Variants in KPNB1 observed in about 807,000 individuals in gnomAD.
The protein encoded by KPNB1 is importin subunit beta-1.
A neutral mutation model predicts 113.0 loss-of-function variants in KPNB1; 7 were observed. The ratio of observed to expected loss-of-function variants is 0.06; its 90% CI spans 0.04 to 0.12. KPNB1 has a LOEUF of 0.12. Among genes scored for constraint, KPNB1 ranks in the 10% least tolerant of loss-of-function variants. The pLI is 1.00. For synonymous variants in KPNB1, 363 were observed against 378.6 expected (o/e 0.96, Z 0.48); for missense variants, 400 against 1,054.8 (o/e 0.38, Z 8.60).
rs375026841 is a variant in KPNB1 at position 47,658,456 on chromosome 17, A to T, written c.484-52A>T. On this transcript the variant is annotated intron_variant, in intron 4 of 21. Transcript: ENST00000290158. ...GTTTGAATCCACAGATGTGGAACCC[A>T]TGGCTGCAGAGGGCTGACTGTATAT... The T allele has an allele frequency of 3.2e-6, 5 of 1,566,990 alleles. No individual in the cohort carries two copies. In the African/African-American group the frequency reaches 6.8e-5, roughly 21 times the overall value.
In KPNB1 at chr17:47,682,637, A is replaced by C; in HGVS notation, c.*233A>C. On this transcript the variant is annotated 3_prime_UTR_variant, in exon 22 of 22. Coordinates refer to ENST00000290158, the MANE Select transcript of KPNB1 (RefSeq NM_002265.6). ...CACTGACTTCGTAGAAAACCATAACATCGGCCATCTTGGAAAAGAGAAAAA... is the reference window on the plus strand; with the variant it reads ...CACTGACTTCGTAGAAAACCATAACCTCGGCCATCTTGGAAAAGAGAAAAA... The C allele has an allele frequency of 5.6e-6, 3 of 537,114 alleles. No individual in the cohort carries two copies. Among genetic ancestry groups the C allele is most frequent in the East Asian group, 3.0e-5 (1 of 33,048 alleles). The allele number at this position is 537,114 out of a possible 1,614,324, so 33.3% of individuals were successfully genotyped here. A position where few individuals can be genotyped will look rare whatever the true frequency, so the allele number is the denominator to read the frequency against.
At position 47,683,044 on chromosome 17, in the gene KPNB1, C is replaced by T. The variant is rs1370496804; in HGVS notation, c.*640C>T. On this transcript the variant is annotated 3_prime_UTR_variant, in exon 22 of 22. Coordinates refer to ENST00000290158, the MANE Select transcript of KPNB1 (RefSeq NM_002265.6). ...AAACAAGGGGTTAGATGTTGCATTT[C>T]ATAAAACTAACCGAAGTTTTGTTTA... The T allele has an allele frequency of 8.9e-6, 1 of 111,908 alleles. No homozygotes were observed. The highest frequency in any genetic ancestry group is 1.7e-5 in the Non-Finnish European group (1 of 60,140). The allele number at this position is 111,908 out of a possible 1,614,324, so 6.9% of individuals were successfully genotyped here.
chr17:47,676,041 A>G (rs917715857), intron 15 of KPNB1, among the ~76,000 whole-genome samples: 2 of 152,210 alleles, frequency 1.3e-5, no homozygotes, highest in Admixed American at 6.5e-5. Context: ...GCTGGCTTGC[A>G]GAAAGGACAT....
At position 47,650,267 on chromosome 17, in the gene KPNB1, A is replaced by G; in HGVS notation, c.23A>G (p.Glu8Gly). 6.2e-7 allele frequency: 1 copy of G among 1,602,472 alleles called. No homozygotes were observed. The highest frequency in any genetic ancestry group is 2.3e-5 in the East Asian group (1 of 43,930). ...GCCATGGAGCTGATCACCATTCTCG[A>G]GAAGACCGTGTCTCCCGGTAGGACG... Reference protein sequence around the residue: MELITILEKTVSPDRLEL... With the variant: MELITILGKTVSPDRLEL... The change falls in exon 1 of 22, where the codon GAG becomes GGG. Residue 8 changes from glutamate to glycine, a missense_variant. Transcript: ENST00000290158.
chr17:47,680,634 A>G lies in KPNB1; in HGVS notation c.2595A>G (p.Ala865=). Residue 865 remains alanine, a synonymous_variant, in exon 21 of 22, where the codon GCA becomes GCG. Transcript: ENST00000290158. ...AAGCAAAAACCCTTGCTACATGGGC[A>G]ACAAAAGAACTGAGGAAACTGAAGA... The part of the protein sequence containing the change: ...TNKAKTLATW[A]TKELRKLKNQ... The G allele has an allele frequency of 6.2e-7, 1 of 1,614,196 alleles. No homozygotes were observed. Among genetic ancestry groups the G allele is most frequent in the Non-Finnish European group, 8.5e-7 (1 of 1,180,036 alleles).
intron 12 of KPNB1, 63 bp downstream of exon 12, chr17:47,670,895 G>A: frequency 7.2e-7 from 1 of 1,388,350 alleles, no homozygotes; most frequent in South Asian, 1.2e-5. Flanking sequence ...CCTTCTGTGT[G>A]GAGGATATCT....
chr17:47,682,344 A>AT, intron 21 of KPNB1, 60 bp from the exon 22 acceptor site: 1 of 779,650 alleles, frequency 1.3e-6, no homozygotes, highest in Non-Finnish European at 2.4e-6. Flanking sequence ...AGTCAGCATT[A>AT]TTGGCTCTGT....
In KPNB1 at chr17:47,656,984, A is replaced by G; in HGVS notation, c.407A>G (p.Asn136Ser). Reference sequence around the variant, plus strand: ...GAACTCATTCCTCAGCTGGTGGCCAATGTCACAAACCCCAACAGCACAGAG... The same window carrying G: ...GAACTCATTCCTCAGCTGGTGGCCAGTGTCACAAACCCCAACAGCACAGAG... Reference protein sequence around the residue: ...WPELIPQLVANVTNPNSTEHM... With the variant: ...WPELIPQLVASVTNPNSTEHM... The change falls in exon 4 of 22, where the codon AAT becomes AGT. Residue 136 changes from asparagine (N) to serine (S), a missense_variant. Physicochemically the swap from Asn to Ser is conservative, Grantham distance 46. Transcript: ENST00000290158. 2 of 1,614,226 alleles carry G rather than the reference A, an allele frequency of 1.2e-6. No individual in the cohort carries two copies. Among genetic ancestry groups the G allele is most frequent in the Non-Finnish European group, 1.7e-6 (2 of 1,180,040 alleles).
chr17:47,660,026 T>C (rs1023525370), intron 5 of KPNB1, among the ~76,000 whole-genome samples: 10 of 152,180 alleles, frequency 6.6e-5, no homozygotes, highest in African/African-American at 2.4e-4. Context: ...GTATAGTTAG[T>C]TAAGTAGATT....
chr17:47,667,718 C>T (rs1450873280), intron 9 of KPNB1, among the ~76,000 whole-genome samples: 1 of 151,798 alleles, frequency 6.6e-6, no homozygotes, highest in Non-Finnish European at 1.5e-5. Context: ...CCACCACACC[C>T]AGCTAATTTT....
chr17:47,659,940 A>G (rs1189544750), intron 5 of KPNB1, among the ~76,000 whole-genome samples: 1 of 151,874 alleles, frequency 6.6e-6, no homozygotes. Flanking sequence ...ATGTGTATGT[A>G]TAATATATAT....
At chr17:47,666,421 T>TG (rs36135785) in intron 9 of KPNB1, among the ~76,000 whole-genome samples, 1 of 144,708 alleles carries the variant, frequency 6.9e-6, no homozygotes, top group Non-Finnish European at 1.5e-5. Context: ...TGTGTGTGTG[T>TG]ATTTTATATA....
Position 47,652,802 on chromosome 17 carries a change from C to G in KPNB1, c.208C>G (p.Pro70Ala), listed in dbSNP as rs61750353. Residue 70 changes from proline (P) to alanine (A), a missense_variant, in exon 3 of 22, where the codon CCA becomes GCA. Pro to Ala is a conservative substitution (Grantham distance 27). Transcript: ENST00000290158. ...QIKNSLTSKD[P>A]DIKAQYQQRW... ...CAAGAACTCTTTGACATCTAAAGATCCAGATATCAAGGCACAATATCAGCA... is the reference window on the plus strand; with the variant it reads ...CAAGAACTCTTTGACATCTAAAGATGCAGATATCAAGGCACAATATCAGCA... 15,414 of 1,611,800 alleles carry G rather than the reference C, an allele frequency of 9.6e-3. 97 individuals are homozygous for G. The highest frequency in any genetic ancestry group is 0.011 in the Non-Finnish European group (13,388 of 1,179,066).
Position 47,677,094 on chromosome 17 carries a change from C to A in KPNB1, c.2070C>A (p.Asp690Glu), listed in dbSNP as rs371651425. The A allele has an allele frequency of 6.2e-7, 1 of 1,613,692 alleles. No homozygotes were observed. Among genetic ancestry groups the A allele is most frequent in the Non-Finnish European group, 8.5e-7 (1 of 1,179,946 alleles). ...AATCCAACATCATACCTTTCTGTGA[C>A]GAGGTGATGCAGCTGCTTCTGGAAA... ...ALQSNIIPFC[D>E]EVMQLLLENL... Residue 690 changes from aspartate (D) to glutamate (E), a missense_variant, in exon 17 of 22, where the codon GAC (aspartate) becomes GAA (glutamate). By Grantham distance (45) the Asp-to-Glu change is conservative. Coordinates refer to ENST00000290158, the MANE Select transcript of KPNB1 (RefSeq NM_002265.6).
In KPNB1 at chr17:47,684,574, A is replaced by G. The variant is rs1037280856; in HGVS notation, c.*2170A>G. 2 of 152,514 alleles carry G rather than the reference A, an allele frequency of 1.3e-5. No individual in the cohort carries two copies. Among genetic ancestry groups the G allele is most frequent in the Non-Finnish European group, 2.9e-5 (2 of 68,028 alleles). The allele number at this position is 152,514 out of a possible 1,614,324, so 9.4% of individuals were successfully genotyped here. ...CAGAAATATTGGGGATAGAAAAAAA[A>G]TCTGATCATTCCTCAGTGCTACCCA... On this transcript the variant is annotated 3_prime_UTR_variant, in exon 22 of 22. Coordinates refer to ENST00000290158, the MANE Select transcript of KPNB1 (RefSeq NM_002265.6).
chr17:47,676,595 A>T (rs1447214454), intron 16 of KPNB1, 104 bp downstream of exon 16: 2 of 833,264 alleles, frequency 2.4e-6, no homozygotes, highest in Non-Finnish European at 3.9e-6. Flanking sequence ...TTCCTGATAC[A>T]TTGTCCTAAA....
chr17:47,684,643 A>G lies in KPNB1; in HGVS notation c.*2239A>G, dbSNP rs149969618. ...TGCTTAGCTAGACAGCAGGAGAATA[A>G]AGTACACCGAGAACCATAATGAAAA... On this transcript the variant is annotated 3_prime_UTR_variant, in exon 22 of 22. Coordinates refer to ENST00000290158, the MANE Select transcript of KPNB1 (RefSeq NM_002265.6). 1 of 152,414 alleles carries G rather than the reference A, an allele frequency of 6.6e-6. No individual in the cohort carries two copies. Among genetic ancestry groups the G allele is most frequent in the Non-Finnish European group, 1.5e-5 (1 of 67,986 alleles). 9.4% of individuals were successfully genotyped at this position (152,414 alleles called of 1,614,324 possible).
chr17:47,676,562 G>A (rs1035871259), intron 16 of KPNB1, 71 bp downstream of exon 16: 3 of 1,147,736 alleles, frequency 2.6e-6, no homozygotes, highest in Non-Finnish European at 3.9e-6. Context: ...CGCAAAACCA[G>A]GTTCTTATAG....
chr17:47,680,273 A>G, intron 20 of KPNB1, 139 bp downstream of exon 20: 1 of 764,538 alleles, frequency 1.3e-6, no homozygotes, highest in Non-Finnish European at 2.2e-6. Context: ...AGAACGCTTC[A>G]TGTCCTGTTT....
Sources: gnomAD v4.1 joint callset for allele counts (sites outside exome capture counted in the v4.1 genomes callset) on GRCh38, gnomAD v4.1.1 for gene constraint, MANE v1.5 for transcripts, NCBI Gene and HGNC (gene_info 2026-07-23, HGNC 2026-07-21) for gene names.